Variants in NKAIN2 observed in about 807,000 individuals in gnomAD.
NKAIN2 encodes sodium/potassium-transporting ATPase subunit beta-1-interacting protein 2.
In NKAIN2, 14 loss-of-function variants were observed where a neutral mutation model predicts 32.6. That is an observed-to-expected ratio of 0.43 (90% CI 0.28 to 0.67). The LOEUF is 0.67. NKAIN2 is among the 30% of genes least tolerant of loss of function. The pLI is 0.17. For missense variants in NKAIN2, 198 were observed against 258.3 expected (o/e 0.77, Z 1.60); for synonymous variants, 80 against 87.2 (o/e 0.92, Z 0.46).
At chr6:124,687,379 AATAT>A (rs1165738844) in intron 4 of NKAIN2, among the ~76,000 whole-genome samples, 2 of 127,930 alleles carry the variant, frequency 1.6e-5, no homozygotes, top group African/African-American at 5.8e-5. Flanking sequence ...ACATACATGG[AATAT>A]ATATATTCCA....
At chr6:124,700,894 ACACACTCT>A (rs1378255852) in intron 4 of NKAIN2, among the ~76,000 whole-genome samples, 197 of 151,072 alleles carry the variant, frequency 1.3e-3, no homozygotes, top group African/African-American at 4.7e-3. Context: ...ACACACACAC[ACACACTCT>A]CTCATCATGA....
chr6:123,834,299 C>T (rs1438187952), intron 1 of NKAIN2, among the ~76,000 whole-genome samples: 3 of 151,848 alleles, frequency 2.0e-5, no homozygotes, highest in Admixed American at 1.3e-4. Flanking sequence ...GGATTACAGG[C>T]GTGTGCCACC....
intron 1 of NKAIN2, among the ~76,000 whole-genome samples, chr6:124,133,310 G>A (rs1208233548): frequency 1.3e-5 from 2 of 152,184 alleles, no homozygotes; most frequent in Non-Finnish European, 2.9e-5. Flanking sequence ...AGAGGTGCCT[G>A]TCTGATCTGA....
At chr6:123,813,753 A>G (rs1233644644) in intron 1 of NKAIN2, among the ~76,000 whole-genome samples, 2 of 152,128 alleles carry the variant, frequency 1.3e-5, no homozygotes, top group Admixed American at 6.5e-5. Flanking sequence ...CAGAGGTTGC[A>G]GTGAGCCAAG....
rs190915115 is a variant in NKAIN2 at position 123,896,565 on chromosome 6, T to C, written c.54+92311T>C. ...ATGATGATTTATTCCCTGTGAACTA[T>C]GTGTTATTATCCCCAAGTTATAAGT... On this transcript the variant is annotated intron_variant, in intron 1 of 6. Coordinates refer to ENST00000368417, the MANE Select transcript of NKAIN2 (RefSeq NM_001040214.3). Among the ~76,000 whole-genome samples, 6 of 152,216 alleles carry C rather than the reference T, an allele frequency of 3.9e-5. No homozygotes were observed. In the East Asian group the frequency reaches 9.6e-4, roughly 24 times the overall value.
intron 1 of NKAIN2, among the ~76,000 whole-genome samples, chr6:124,261,793 G>C (rs975927053): frequency 6.6e-6 from 1 of 150,958 alleles, no homozygotes; most frequent in African/African-American, 2.4e-5. Context: ...CCGGGAGGCA[G>C]AGATTGCAGT....
intron 1 of NKAIN2, among the ~76,000 whole-genome samples, chr6:124,196,601 A>C (rs1217108383): frequency 6.6e-6 from 1 of 152,048 alleles, no homozygotes; most frequent in Non-Finnish European, 1.5e-5. Flanking sequence ...ACACAATTTT[A>C]TTATTTGCTT....
intron 1 of NKAIN2, among the ~76,000 whole-genome samples, chr6:124,149,343 A>C (rs976024730): frequency 7.2e-5 from 11 of 152,212 alleles, no homozygotes; most frequent in African/African-American, 2.7e-4. Flanking sequence ...TGCTGTAATT[A>C]AGAAACCATT....
Position 124,023,221 on chromosome 6 carries a change from C to T in NKAIN2, c.54+218967C>T, listed in dbSNP as rs374567930. 2.3e-4 allele frequency among the ~76,000 whole-genome samples: 35 copies of T among 151,612 alleles called. 1 individual carries two copies. The South Asian group carries it at 4.2e-3, about 18-fold the overall frequency. On this transcript the variant is annotated intron_variant, in intron 1 of 6. Transcript: ENST00000368417. ...ATCTGAGATTAAACACACACACACA[C>T]GCACACACATACACACACAAGAGTA...
At chr6:124,801,317 G>A (rs1323037438) in intron 5 of NKAIN2, among the ~76,000 whole-genome samples, 1 of 152,058 alleles carries the variant, frequency 6.6e-6, no homozygotes, top group Non-Finnish European at 1.5e-5. Flanking sequence ...ATTCATATGT[G>A]AACTAATCCC....
intron 6 of NKAIN2, among the ~76,000 whole-genome samples, chr6:124,821,294 C>CA (rs11320821): frequency 0.013 from 1,159 of 88,698 alleles, 10 homozygotes; most frequent in East Asian, 0.022. Flanking sequence ...GGCTCTGTCT[C>CA]AAAAAAAAAA....
At chr6:124,370,184 T>C (rs1799694099) in intron 3 of NKAIN2, among the ~76,000 whole-genome samples, 1 of 151,298 alleles carries the variant, frequency 6.6e-6, no homozygotes, top group Non-Finnish European at 1.5e-5. Flanking sequence ...GTAAATACCG[T>C]GCTACTAGAT....
At chr6:124,267,643 A>T (rs993241881) in intron 1 of NKAIN2, among the ~76,000 whole-genome samples, 1 of 152,216 alleles carries the variant, frequency 6.6e-6, no homozygotes, top group Non-Finnish European at 1.5e-5. Flanking sequence ...CACAATAAAG[A>T]TACAATAAAC....
In NKAIN2 at chr6:124,394,310, C is replaced by CA. The variant is rs1211841417; in HGVS notation, c.273+38964dup. On this transcript the variant is annotated intron_variant, in intron 3 of 6. Coordinates refer to ENST00000368417, the MANE Select transcript of NKAIN2 (RefSeq NM_001040214.3). ...TTCTGTTAAGGGAGTTTGATAAGCA[C>CA]ACTTTCTCAATGTCTTCACTCTTTT... is the stretch of plus-strand genomic sequence containing the variant. Among the ~76,000 whole-genome samples, 5 of 152,204 alleles carry CA rather than the reference C, an allele frequency of 3.3e-5. No homozygotes were observed. The East Asian group carries it at 9.7e-4, about 29-fold the overall frequency.
At chr6:123,924,830 T>C (rs1775931534) in intron 1 of NKAIN2, among the ~76,000 whole-genome samples, 1 of 152,102 alleles carries the variant, frequency 6.6e-6, no homozygotes. Flanking sequence ...AGTTTTGCTT[T>C]CCCTTCAGAT....
chr6:124,309,514 T>A (rs1796634823), intron 2 of NKAIN2, among the ~76,000 whole-genome samples: 2 of 152,172 alleles, frequency 1.3e-5, no homozygotes, highest in Non-Finnish European at 2.9e-5. Context: ...TACTAATTTT[T>A]AAATTTCATG....
intron 1 of NKAIN2, among the ~76,000 whole-genome samples, chr6:124,030,314 T>C (rs527764312): frequency 4.6e-5 from 7 of 152,288 alleles, no homozygotes; most frequent in South Asian, 2.1e-4. Context: ...CATGGAAATA[T>C]TGTTTTCCAC....
intron 3 of NKAIN2, among the ~76,000 whole-genome samples, chr6:124,608,224 T>C (rs1782566981): frequency 6.6e-6 from 1 of 152,178 alleles, no homozygotes; most frequent in African/African-American, 2.4e-5. Context: ...TTGTTTGTTT[T>C]TCTTCTACCA....
At chr6:124,522,840 A>G (rs141890935) in intron 3 of NKAIN2, among the ~76,000 whole-genome samples, 76 of 151,890 alleles carry the variant, frequency 5.0e-4, no homozygotes, top group African/African-American at 1.8e-3. Flanking sequence ...GTTTTTTTGT[A>G]GGTTAAGAAA....
Sources: allele counts gnomAD v4.1 joint callset (sites outside exome capture counted in the v4.1 genomes callset), GRCh38; gene constraint gnomAD v4.1.1; transcripts MANE v1.5; gene names NCBI Gene and HGNC (gene_info 2026-07-23, HGNC 2026-07-21).